DAOA: variants seen among roughly 807,000 people sequenced by gnomAD.
The protein encoded by DAOA is D-amino acid oxidase activator.
In DAOA, 15 loss-of-function variants were observed where a neutral mutation model predicts 16.4. The ratio of observed to expected loss-of-function variants is 0.91; its 90% CI spans 0.61 to 1.41. DAOA has a LOEUF of 1.41. Among genes scored for constraint, DAOA ranks in the 40% most tolerant of loss-of-function variants. DAOA has a pLI of 0.00. For missense variants in DAOA, 230 were observed against 176.8 expected, an observed-to-expected ratio of 1.30 and a Z score of -1.71; for synonymous variants, 75 against 59.1, an observed-to-expected ratio of 1.27 and a Z score of -1.23.
In DAOA at chr13:105,488,873, C is replaced by T. The variant is rs78524542; in HGVS notation, c.282-1028C>T. Among the ~76,000 whole-genome samples, 1,072 of 152,288 alleles carry T rather than the reference C, an allele frequency of 7.0e-3. 5 individuals are homozygous for T. Among genetic ancestry groups the T allele is most frequent in the South Asian group, 0.011 (54 of 4,824 alleles). On this transcript the variant is annotated intron_variant, in intron 4 of 5. Coordinates refer to ENST00000375936, the MANE Select transcript of DAOA (RefSeq NM_172370.5). Reference sequence around the variant, plus strand: ...TCTCTCAAACTGAGAAGATACTTTTCAATCAACATGGCTTGACTGTTTGGG... The same window carrying T: ...TCTCTCAAACTGAGAAGATACTTTTTAATCAACATGGCTTGACTGTTTGGG...
rs141308052 is a variant in DAOA, at chr13:105,480,719, G to A, written c.281+8034G>A. Among the ~76,000 whole-genome samples, 205 of 152,150 alleles carry A rather than the reference G, an allele frequency of 1.3e-3. 1 individual carries two copies. The highest frequency in any genetic ancestry group is 4.6e-3 in the African/African-American group (193 of 41,522). On this transcript the variant is annotated intron_variant, in intron 4 of 5. Coordinates refer to ENST00000375936, the MANE Select transcript of DAOA (RefSeq NM_172370.5). Reference sequence around the variant, plus strand: ...ACCAAGATCTAAGGAGTAAGAACTCGGCTATGGGAAGTGGGGTGCTAGTGT... The same window carrying A: ...ACCAAGATCTAAGGAGTAAGAACTCAGCTATGGGAAGTGGGGTGCTAGTGT...
At chr13:105,469,250 T>TG in intron 3 of DAOA, among the ~76,000 whole-genome samples, 1 of 152,192 alleles carries the variant, frequency 6.6e-6, no homozygotes, top group Admixed American at 6.5e-5. Context: ...ATCCACACTG[T>TG]CTTAACCACC....
At chr13:105,480,815 A>C (rs914626999) in intron 4 of DAOA, among the ~76,000 whole-genome samples, 3 of 152,184 alleles carry the variant, frequency 2.0e-5, no homozygotes, top group Non-Finnish European at 4.4e-5. Flanking sequence ...TCCAGCCCTA[A>C]GAAGGAGAGA....
intron 4 of DAOA, among the ~76,000 whole-genome samples, chr13:105,486,149 C>A (rs1225189957): frequency 6.6e-6 from 1 of 152,116 alleles, no homozygotes; most frequent in Non-Finnish European, 1.5e-5. Context: ...TTTAGTGGCT[C>A]CTTATTATTT....
intron 4 of DAOA, among the ~76,000 whole-genome samples, chr13:105,484,706 T>G (rs994726707): frequency 1.3e-5 from 2 of 152,172 alleles, no homozygotes; most frequent in Admixed American, 6.5e-5. Context: ...TATACCTTTT[T>G]GTATGTTTCA....
chr13:105,485,754 A>G (rs1344998656), intron 4 of DAOA, among the ~76,000 whole-genome samples: 1 of 152,172 alleles, frequency 6.6e-6, no homozygotes, highest in Admixed American at 6.5e-5. Context: ...GAAGACATAC[A>G]GGAAGAACAC....
intron 4 of DAOA, chr13:105,476,999 T>C (rs2139184013): frequency 6.6e-6 from 1 of 152,324 alleles, no homozygotes; most frequent in East Asian, 1.9e-4. Flanking sequence ...AACTTTCTGA[T>C]GAAATTTGTT....
chr13:105,468,888 C>T (rs562897934), intron 3 of DAOA, among the ~76,000 whole-genome samples: 2 of 152,070 alleles, frequency 1.3e-5, no homozygotes, highest in Admixed American at 6.5e-5. Context: ...TGAAAAGAAG[C>T]GAGATCTTGG....
intron 4 of DAOA, among the ~76,000 whole-genome samples, chr13:105,480,057 T>A (rs1877606378): frequency 6.6e-6 from 1 of 152,184 alleles, no homozygotes; most frequent in African/African-American, 2.4e-5. Flanking sequence ...TAGGTCAGAA[T>A]AATAGGTCAT....
intron 4 of DAOA, among the ~76,000 whole-genome samples, chr13:105,487,445 C>T (rs1307548089): frequency 6.6e-6 from 1 of 152,094 alleles, no homozygotes. Context: ...ACAGGACTGG[C>T]AAACACTTTT....
chr13:105,487,168 C>T (rs1325401193), intron 4 of DAOA, among the ~76,000 whole-genome samples: 4 of 152,064 alleles, frequency 2.6e-5, no homozygotes, highest in Non-Finnish European at 5.9e-5. Context: ...TTTGAAAATA[C>T]CCGGAGTCTC....
In DAOA at chr13:105,467,077, C is replaced by G. The variant is rs767609259; in HGVS notation, c.69C>G (p.Ile23Met). 3 of 1,611,464 alleles carry G rather than the reference C, an allele frequency of 1.9e-6. No homozygotes were observed. Among genetic ancestry groups the G allele is most frequent in the Admixed American group, 3.3e-5 (2 of 59,888 alleles). The change falls in exon 3 of 6, where the codon ATC becomes ATG. Residue 23 changes from isoleucine (I) to methionine (M), a missense_variant. By Grantham distance (10) the Ile-to-Met change is conservative (BLOSUM62 1). Coordinates refer to ENST00000375936, the MANE Select transcript of DAOA (RefSeq NM_172370.5). ...LFRSRYTLGK[I>M]YFIGFQRSIL... ...GATCCAGATATACATTGGGTAAAAT[C>G]TACTTCATAGGTTTTCAAAGGAGCA...
At chr13:105,483,528 G>A (rs1442220788) in intron 4 of DAOA, among the ~76,000 whole-genome samples, 1 of 152,108 alleles carries the variant, frequency 6.6e-6, no homozygotes, top group Non-Finnish European at 1.5e-5. Flanking sequence ...GATATGGTCA[G>A]CATTTTTAGT....
intron 4 of DAOA, among the ~76,000 whole-genome samples, chr13:105,487,316 A>G (rs543501780): frequency 6.6e-6 from 1 of 152,246 alleles, no homozygotes; most frequent in South Asian, 2.1e-4. Context: ...TACTAAGTCC[A>G]TGTTCTTTTT....
At chr13:105,470,916 G>T (rs1457162711) in intron 3 of DAOA, among the ~76,000 whole-genome samples, 1 of 151,792 alleles carries the variant, frequency 6.6e-6, no homozygotes, top group Non-Finnish European at 1.5e-5. Context: ...TCAACCTCCC[G>T]AGTAGCTGGG....
At chr13:105,474,950 A>G in intron 4 of DAOA, 1 of 882,736 alleles carries the variant, frequency 1.1e-6, no homozygotes, top group Non-Finnish European at 1.4e-6. Flanking sequence ...CCCGTTCTGA[A>G]CGAACATTCA....
chr13:105,490,153 C>T lies in DAOA; in HGVS notation c.*72C>T. 1 of 1,475,314 alleles carries T rather than the reference C, an allele frequency of 6.8e-7. No individual in the cohort carries two copies. Among genetic ancestry groups the T allele is most frequent in the Non-Finnish European group, 9.0e-7 (1 of 1,108,002 alleles). The allele number at this position is 1,475,314 out of a possible 1,614,324, so 91.4% of individuals were successfully genotyped here. On this transcript the variant is annotated 3_prime_UTR_variant, in exon 5 of 6. Transcript: ENST00000375936. ...GTCTGGCCAACATCTTCACTGGACT[C>T]TGACGGACTCTGTGTCTGGGACCCA...
intron 4 of DAOA, among the ~76,000 whole-genome samples, chr13:105,488,539 C>T (rs749022746): frequency 3.3e-5 from 5 of 152,150 alleles, no homozygotes; most frequent in Non-Finnish European, 7.4e-5. Flanking sequence ...ACGCAATTAT[C>T]TGTTTTGCTT....
rs756755022 is a variant in DAOA at position 105,472,636 on chromosome 13, C to T, written c.232C>T (p.Gln78Ter). ...TTTGGAAATGGCACAGAGGCATTTA[C>T]AGAGATCATTATGTCCTTGGGTCTC... is the stretch of plus-strand genomic sequence containing the variant. The part of the protein sequence containing the change: ...GYLEMAQRHL[Q>*]RSLCPWVSYL... Residue 78 changes from glutamine to a stop codon, truncating the protein, a stop_gained, in exon 4 of 6, where the codon CAG becomes TAG. Coordinates refer to ENST00000375936, the MANE Select transcript of DAOA (RefSeq NM_172370.5). LOFTEE classifies it high-confidence loss of function. The T allele has an allele frequency of 6.2e-7, 1 of 1,614,044 alleles. No homozygotes were observed. The highest frequency in any genetic ancestry group is 2.2e-5 in the East Asian group (1 of 44,860).
Sources: gnomAD v4.1 joint callset for allele counts (sites outside exome capture counted in the v4.1 genomes callset) on GRCh38, gnomAD v4.1.1 for gene constraint, MANE v1.5 for transcripts, NCBI Gene and HGNC (gene_info 2026-07-23, HGNC 2026-07-21) for gene names.